Variants in TMEM196 observed in about 807,000 individuals in gnomAD.
TMEM196 encodes transmembrane protein 196.
Under a neutral mutation model 20.0 loss-of-function variants are expected in TMEM196, and 17 were observed. That is an observed-to-expected ratio of 0.85 (90% CI 0.58 to 1.27). The LOEUF is 1.27. Ranked by LOEUF, TMEM196 falls within the 50% of genes most tolerant of loss-of-function variation. The pLI is 0.00. For missense variants in TMEM196, 267 were observed against 223.0 expected (o/e 1.20, Z -1.26); for synonymous variants, 113 against 88.9 (o/e 1.27, Z -1.52).
intron 3 of TMEM196, 70 bp from the exon 4 acceptor site, chr7:19,724,423 A>G (rs940803423): frequency 7.1e-7 from 1 of 1,416,752 alleles, no homozygotes; most frequent in African/African-American, 1.4e-5. Context: ...TCAGACTAGT[A>G]TAAAATAAAG....
chr7:19,760,519 C>A (rs1785396995), intron 1 of TMEM196, among the ~76,000 whole-genome samples: 1 of 151,792 alleles, frequency 6.6e-6, no homozygotes, highest in African/African-American at 2.4e-5. Flanking sequence ...TGCCATCACG[C>A]CCGGCTAATT....
chr7:19,760,256 C>G (rs55792474), intron 1 of TMEM196, among the ~76,000 whole-genome samples: 14,111 of 151,276 alleles, frequency 0.093, 1,129 homozygotes, highest in African/African-American at 0.21. Flanking sequence ...AATGCCTCAT[C>G]ATTCCTGAGA....
chr7:19,765,191 A>G (rs1785580139), intron 1 of TMEM196, among the ~76,000 whole-genome samples: 1 of 152,202 alleles, frequency 6.6e-6, no homozygotes, highest in African/African-American at 2.4e-5. Flanking sequence ...AATTATTTCT[A>G]TAGGGTAAAT....
At chr7:19,729,645 T>A (rs1784126617) in intron 1 of TMEM196, among the ~76,000 whole-genome samples, 1 of 152,152 alleles carries the variant, frequency 6.6e-6, no homozygotes. Flanking sequence ...TGCTAGATTG[T>A]TAGAGGTAAT....
chr7:19,766,559 T>C (rs1330002391), intron 1 of TMEM196, among the ~76,000 whole-genome samples: 1 of 151,040 alleles, frequency 6.6e-6, no homozygotes, highest in African/African-American at 2.4e-5. Flanking sequence ...ATATTACATA[T>C]GATAAATATA....
chr7:19,733,000 G>T (rs187141847), intron 1 of TMEM196, among the ~76,000 whole-genome samples: 2 of 152,160 alleles, frequency 1.3e-5, no homozygotes, highest in Non-Finnish European at 2.9e-5. Flanking sequence ...GAGAAAATAT[G>T]ATTTTATTTG....
In TMEM196 at chr7:19,772,630, C is replaced by A. The variant is rs182954631; in HGVS notation, c.67G>T (p.Val23Leu). The change falls in exon 1 of 5, where the codon GTG becomes TTG. Residue 23 changes from valine to leucine, a missense_variant. Transcript: ENST00000405844. The part of the protein sequence containing the change: ...VLSVLEIGLG[V>L]SSVAVGAVSF... The stretch of plus-strand genomic sequence containing the variant: ...ACCGCCCCCACGGCCACGCTGGACA[C>A]CCCCAGCCCTATCTCCAGCACGGAG... 66 of 1,547,458 alleles carry A rather than the reference C, an allele frequency of 4.3e-5. No homozygotes were observed. In the African/African-American group the frequency reaches 7.7e-4, roughly 18 times the overall value.
intron 1 of TMEM196, among the ~76,000 whole-genome samples, chr7:19,759,128 C>T (rs1785330724): frequency 6.6e-6 from 1 of 152,204 alleles, no homozygotes; most frequent in Non-Finnish European, 1.5e-5. Flanking sequence ...GAACCCATCT[C>T]CCTTCACCAC....
intron 1 of TMEM196, among the ~76,000 whole-genome samples, chr7:19,733,637 A>T (rs1784289936): frequency 7.0e-6 from 1 of 143,662 alleles, no homozygotes; most frequent in Non-Finnish European, 1.5e-5. Context: ...CTCTAACTGG[A>T]GGAAAAGTAG....
At chr7:19,764,339 C>A (rs1319596803) in intron 1 of TMEM196, among the ~76,000 whole-genome samples, 1 of 152,188 alleles carries the variant, frequency 6.6e-6, no homozygotes, top group African/African-American at 2.4e-5. Flanking sequence ...CAAGAGCAGA[C>A]CAGTCTTGGC....
chr7:19,766,599 T>A (rs569725352), intron 1 of TMEM196, among the ~76,000 whole-genome samples: 1 of 151,542 alleles, frequency 6.6e-6, no homozygotes, highest in African/African-American at 2.4e-5. Flanking sequence ...ATATAACTTT[T>A]TTAATGCAGT....
chr7:19,744,052 A>T (rs1372337237), intron 1 of TMEM196, among the ~76,000 whole-genome samples: 1 of 152,142 alleles, frequency 6.6e-6, no homozygotes, highest in Non-Finnish European at 1.5e-5. Flanking sequence ...TAATTGAAGT[A>T]CAGTAATGGT....
chr7:19,770,898 T>C (rs1180420366), intron 1 of TMEM196, among the ~76,000 whole-genome samples: 1 of 152,132 alleles, frequency 6.6e-6, no homozygotes, highest in African/African-American at 2.4e-5. Context: ...CTGGATACTT[T>C]GATATTATCT....
intron 1 of TMEM196, among the ~76,000 whole-genome samples, chr7:19,743,593 G>T (rs1784651990): frequency 1.3e-5 from 2 of 152,152 alleles, no homozygotes; most frequent in South Asian, 4.1e-4. Flanking sequence ...AAACGAAGGG[G>T]TTGGAAATAG....
In TMEM196 at chr7:19,722,083, T is replaced by A; in HGVS notation, c.*45A>T. The A allele has an allele frequency of 6.2e-7, 1 of 1,610,198 alleles. No homozygotes were observed. Among genetic ancestry groups the A allele is most frequent in the Admixed American group, 1.7e-5 (1 of 59,610 alleles). ...ATTCTTTAAAACATTGATTACACTC[T>A]TCCATTAAATATCAGCTGTGGTCCT... On this transcript the variant is annotated 3_prime_UTR_variant, in exon 5 of 5. Transcript: ENST00000405844.
chr7:19,742,717 G>T (rs1016377078), intron 1 of TMEM196, among the ~76,000 whole-genome samples: 2 of 152,048 alleles, frequency 1.3e-5, no homozygotes, highest in Non-Finnish European at 2.9e-5. Context: ...AATAATCTGA[G>T]TTCCAAAGCA....
intron 1 of TMEM196, among the ~76,000 whole-genome samples, chr7:19,742,172 A>G (rs207986): frequency 6.6e-6 from 1 of 152,266 alleles, no homozygotes; most frequent in African/African-American, 2.4e-5. Flanking sequence ...AAAATATCAG[A>G]ATACATTTTT....
chr7:19,741,364 A>C (rs1345818534), intron 1 of TMEM196, among the ~76,000 whole-genome samples: 2 of 152,198 alleles, frequency 1.3e-5, no homozygotes, highest in Admixed American at 6.5e-5. Context: ...GAAATGAATG[A>C]ATCAGTAAAT....
intron 1 of TMEM196, among the ~76,000 whole-genome samples, chr7:19,751,056 A>G (rs1784941675): frequency 6.6e-6 from 1 of 152,170 alleles, no homozygotes; most frequent in Non-Finnish European, 1.5e-5. Flanking sequence ...TTTATTTTAT[A>G]TATTTCTTGT....
Sources: gnomAD v4.1 joint callset for allele counts (sites outside exome capture counted in the v4.1 genomes callset) on GRCh38, gnomAD v4.1.1 for gene constraint, MANE v1.5 for transcripts, NCBI Gene and HGNC (gene_info 2026-07-23, HGNC 2026-07-21) for gene names.